The following DAB1 variants were observed in gnomAD, a reference collection of about 807,000 sequenced individuals.
DAB1 encodes the protein disabled homolog 1.
A neutral mutation model predicts 64.6 loss-of-function variants in DAB1; 15 were observed. The observed-to-expected ratio is 0.23, with a 90% CI of 0.16 to 0.36. The LOEUF (loss-of-function observed/expected upper bound fraction) is 0.36. DAB1 is among the 10% of genes least tolerant of loss of function. The probability of loss-of-function intolerance (pLI) is 1.00; values close to 1 mark genes in which losing one functional copy is unlikely to be tolerated. For synonymous variants in DAB1, 235 were observed against 251.9 expected (o/e 0.93, Z 0.64); for missense variants, 596 against 706.7 (o/e 0.84, Z 1.78).
chr1:57,051,282 A>G lies in DAB1; in HGVS notation c.723+11602T>C, dbSNP rs563161900. Among the ~76,000 whole-genome samples, 6 of 152,342 alleles carry G rather than the reference A, an allele frequency of 3.9e-5. No individual in the cohort carries two copies. The South Asian group carries it at 8.3e-4, about 21-fold the overall frequency. On this transcript the variant is annotated intron_variant, in intron 9 of 14. Coordinates refer to ENST00000371236, the MANE Select transcript of DAB1 (RefSeq NM_001365792.1). ...CATCTATGTTAACTGCATTGTAATA[A>G]TTATGATTTTTCTACAATGTGGTGC...
chr1:57,924,203 G>A (rs1047647795), intron 5 of DAB1, among the ~76,000 whole-genome samples: 5 of 152,272 alleles, frequency 3.3e-5, no homozygotes, highest in Admixed American at 3.3e-4. Context: ...CTCTTTGAAG[G>A]ACATCCAGAT....
chr1:58,536,043 A>G (rs1646511285), intron 1 of DAB1, among the ~76,000 whole-genome samples: 1 of 152,148 alleles, frequency 6.6e-6, no homozygotes. Flanking sequence ...AAGAAAGACA[A>G]TCAAAAAAAT....
At chr1:57,083,199 A>G (rs1652725921) in intron 4 of DAB1, among the ~76,000 whole-genome samples, 2 of 152,184 alleles carry the variant, frequency 1.3e-5, no homozygotes, top group African/African-American at 4.8e-5. Context: ...CCTGAGACAC[A>G]GAAGGGTTAA....
At chr1:57,803,408 C>T (rs1360742688) in intron 6 of DAB1, among the ~76,000 whole-genome samples, 2 of 152,230 alleles carry the variant, frequency 1.3e-5, no homozygotes, top group African/African-American at 4.8e-5. Context: ...CTCCTACGTT[C>T]CTTTCCTCTG....
chr1:57,504,637 C>A (rs1047242325), intron 7 of DAB1, among the ~76,000 whole-genome samples: 1 of 152,094 alleles, frequency 6.6e-6, no homozygotes, highest in African/African-American at 2.4e-5. Context: ...AGAAGTAGAG[C>A]AAAACTTCAT....
At chr1:57,274,099 GC>G (rs1671265154) in intron 2 of DAB1, among the ~76,000 whole-genome samples, 1 of 152,160 alleles carries the variant, frequency 6.6e-6, no homozygotes, top group Non-Finnish European at 1.5e-5. Context: ...AGATCATAAT[GC>G]TTTGCCAATC....
Position 57,146,153 on chromosome 1 carries a change from A to G in DAB1, c.68-724T>C, listed in dbSNP as rs1659110193. On this transcript the variant is annotated intron_variant, in intron 2 of 14. Transcript: ENST00000371236. The stretch of plus-strand genomic sequence containing the variant: ...CAATAAAGTTAACTCTGAACTGAGC[A>G]AGCGCTTCATGCCAGATGTTCTGTA... 1.3e-5 allele frequency among the ~76,000 whole-genome samples: 2 copies of G among 152,230 alleles called. 1 individual carries two copies. The highest frequency in any genetic ancestry group is 4.1e-4 in the South Asian group (2 of 4,828).
intron 1 of DAB1, among the ~76,000 whole-genome samples, chr1:57,392,099 C>T (rs1682425940): frequency 6.6e-6 from 1 of 152,150 alleles, no homozygotes; most frequent in African/African-American, 2.4e-5. Flanking sequence ...AATGGCCAGG[C>T]ACAGTGGCTC....
chr1:57,060,125 T>TTTTTTTTTTATTTTATTTTA (rs1650228062), intron 9 of DAB1, among the ~76,000 whole-genome samples: 1 of 135,904 alleles, frequency 7.4e-6, no homozygotes, highest in Non-Finnish European at 1.6e-5. Context: ...ATTCATATAT[T>TTTTTTTTTTATTTTATTTTA]TTTTATTTTA....
chr1:58,004,986 C>A (rs1646560215), intron 5 of DAB1, among the ~76,000 whole-genome samples: 3 of 152,090 alleles, frequency 2.0e-5, no homozygotes, highest in East Asian at 3.9e-4. Flanking sequence ...TACTAGTAAG[C>A]CTTTTGCTAC....
At chr1:58,512,259 G>A (rs186764250) in intron 2 of DAB1, among the ~76,000 whole-genome samples, 5 of 152,206 alleles carry the variant, frequency 3.3e-5, no homozygotes, top group Admixed American at 2.6e-4. Flanking sequence ...TCTAAGTGTT[G>A]GCAAGGATGT....
At chr1:57,317,736 T>C (rs1439119224) in intron 1 of DAB1, among the ~76,000 whole-genome samples, 1 of 152,176 alleles carries the variant, frequency 6.6e-6, no homozygotes, top group Admixed American at 6.5e-5. Flanking sequence ...AAAATCTGCA[T>C]GTTAGGAAGA....
intron 5 of DAB1, among the ~76,000 whole-genome samples, chr1:58,094,725 T>G (rs1296515970): frequency 3.9e-5 from 6 of 152,230 alleles, no homozygotes; most frequent in African/African-American, 1.2e-4. Context: ...TCAGTGTATC[T>G]CAGTGAGAGA....
chr1:57,114,831 G>A (rs1316608079), intron 4 of DAB1, among the ~76,000 whole-genome samples: 2 of 152,196 alleles, frequency 1.3e-5, no homozygotes, highest in Non-Finnish European at 2.9e-5. Context: ...TGGTGGTCAT[G>A]ACAAGGACTT....
intron 5 of DAB1, among the ~76,000 whole-genome samples, chr1:57,940,943 C>T (rs1318415513): frequency 1.3e-5 from 2 of 152,196 alleles, no homozygotes; most frequent in Admixed American, 6.5e-5. Flanking sequence ...ATACCTAATA[C>T]AATACATGCT....
At chr1:58,194,012 C>T (rs1350189321) in intron 4 of DAB1, among the ~76,000 whole-genome samples, 2 of 152,184 alleles carry the variant, frequency 1.3e-5, no homozygotes, top group Non-Finnish European at 2.9e-5. Flanking sequence ...AAGAAGAAGA[C>T]GTTGGATAAA....
intron 2 of DAB1, among the ~76,000 whole-genome samples, chr1:57,216,965 A>T (rs1399144645): frequency 6.6e-6 from 1 of 152,136 alleles, no homozygotes; most frequent in African/African-American, 2.4e-5. Flanking sequence ...AATTTTATTC[A>T]TTCAACAGCT....
At chr1:57,151,108 C>T (rs915186049) in intron 2 of DAB1, among the ~76,000 whole-genome samples, 21 of 152,156 alleles carry the variant, frequency 1.4e-4, no homozygotes, top group African/African-American at 4.8e-4. Flanking sequence ...TAGAGCGATG[C>T]ACTCAAAGGG....
At chr1:58,364,820 T>A (rs1214773936) in intron 3 of DAB1, among the ~76,000 whole-genome samples, 2 of 152,246 alleles carry the variant, frequency 1.3e-5, no homozygotes, top group Non-Finnish European at 2.9e-5. Context: ...CAATTTCTTT[T>A]TTCCCTATTA....
Sources: allele counts gnomAD v4.1 joint callset (sites outside exome capture counted in the v4.1 genomes callset), GRCh38; gene constraint gnomAD v4.1.1; transcripts MANE v1.5; gene names NCBI Gene and HGNC (gene_info 2026-07-23, HGNC 2026-07-21).